The following GLRA2 variants were observed in gnomAD, a reference collection of about 807,000 sequenced individuals.
The protein encoded by GLRA2 is glycine receptor subunit alpha-2.
GLRA2 carries 11 observed loss-of-function variants against 31.6 expected under a neutral mutation model. That is an observed-to-expected ratio of 0.35 (90% CI 0.22 to 0.58). The LOEUF (loss-of-function observed/expected upper bound fraction) is 0.58, where lower values mean the gene tolerates loss of function less well. GLRA2 is among the 20% of genes least tolerant of loss of function. GLRA2 has a pLI of 0.84. For synonymous variants in GLRA2, 132 were observed against 134.0 expected (o/e 0.99, Z 0.10); for missense variants, 212 against 351.8 (o/e 0.60, Z 3.18).
Position 14,685,321 on chromosome X carries a change from C to T in GLRA2, c.931-5389C>T, listed in dbSNP as rs1257110405. Among the ~76,000 whole-genome samples, 7 of 111,670 alleles carry T rather than the reference C, an allele frequency of 6.3e-5. No individual in the cohort carries two copies. The Admixed American group carries it at 6.7e-4, about 11-fold the overall frequency. On this transcript the variant is annotated intron_variant, in intron 7 of 8. Transcript: ENST00000218075. ...GCCAGGCTTTGGTATCAGGACGATG[C>T]TGGCCTCATAAAATGACTTAGGGAG... is the stretch of plus-strand genomic sequence containing the variant.
intron 8 of GLRA2, among the ~76,000 whole-genome samples, chrX:14,691,329 G>A (rs1014614269): frequency 2.5e-4 from 17 of 67,670 alleles, no homozygotes; most frequent in African/African-American, 3.5e-4. Context: ...GTGTGTGCGC[G>A]CGTGCGTGCG....
At chrX:14,524,727 T>C (rs1366916045), upstream of GLRA2, among the ~76,000 whole-genome samples, 2 of 108,619 alleles carry the variant, frequency 1.8e-5, no homozygotes, top group South Asian at 8.0e-4. Flanking sequence ...AATGTGGGCA[T>C]TCCATTCAAC....
At chrX:14,679,669 T>G (rs772529210) in intron 7 of GLRA2, among the ~76,000 whole-genome samples, 1 of 111,162 alleles carries the variant, frequency 9.0e-6, no homozygotes, top group African/African-American at 3.3e-5. Context: ...TCTTTACAGC[T>G]TTGATTTTAC....
At chrX:14,495,730 C>A in the GLRA2 span, among the ~76,000 whole-genome samples, 1 of 108,811 alleles carries the variant, frequency 9.2e-6, no homozygotes, top group African/African-American at 3.3e-5. Context: ...TCCCAACAAC[C>A]TTTGAGTGTA....
the GLRA2 span, among the ~76,000 whole-genome samples, chrX:14,468,497 A>T: frequency 6.2e-5 from 7 of 112,133 alleles, no homozygotes; most frequent in Middle Eastern, 4.7e-3. Context: ...ACGCTTGTTT[A>T]CAAGGACTAC....
intron 2 of GLRA2, among the ~76,000 whole-genome samples, chrX:14,544,121 C>T (rs920892132): frequency 1.8e-5 from 2 of 111,852 alleles, no homozygotes; most frequent in African/African-American, 6.5e-5. Context: ...TATGATGCCA[C>T]AAGAGAATTA....
the GLRA2 span, among the ~76,000 whole-genome samples, chrX:14,452,377 A>C: frequency 6.2e-5 from 7 of 112,443 alleles, no homozygotes; most frequent in East Asian, 2.0e-3. Flanking sequence ...GATTCTCTTT[A>C]TGCTGCCTGT....
At chrX:14,638,207 G>T (rs1470616812) in intron 7 of GLRA2, among the ~76,000 whole-genome samples, 9 of 111,567 alleles carry the variant, frequency 8.1e-5, no homozygotes, top group Middle Eastern at 4.6e-3. Context: ...AGGAAGGTTT[G>T]CCAAGGATTT....
At position 14,543,958 on chromosome X, in the gene GLRA2, C is replaced by T. The variant is rs540597775; in HGVS notation, c.202+11586C>T. On this transcript the variant is annotated intron_variant, in intron 2 of 8. Coordinates refer to ENST00000218075, the MANE Select transcript of GLRA2 (RefSeq NM_002063.4). ...ATGTAGTTTTGGTAAAATCCAGAAACCTAAACAAATTTTGCCATGAAAATA... is the reference window on the plus strand; with the variant it reads ...ATGTAGTTTTGGTAAAATCCAGAAATCTAAACAAATTTTGCCATGAAAATA... 1.8e-4 allele frequency among the ~76,000 whole-genome samples: 20 copies of T among 110,864 alleles called. No homozygotes were observed. The South Asian group carries it at 5.6e-3, about 31-fold the overall frequency.
chrX:14,504,474 C>G, the GLRA2 span, among the ~76,000 whole-genome samples: 1 of 111,083 alleles, frequency 9.0e-6, no homozygotes, highest in Non-Finnish European at 1.9e-5. Context: ...TAGTTCAGAT[C>G]AAAATCTACA....
chrX:14,696,533 A>G (rs771539121), intron 8 of GLRA2, among the ~76,000 whole-genome samples: 38 of 112,050 alleles, frequency 3.4e-4, no homozygotes, highest in Admixed American at 1.1e-3. Context: ...AGATCCCCCA[A>G]TAAAGATGAC....
chrX:14,710,319 G>T (rs894541386), intron 8 of GLRA2, among the ~76,000 whole-genome samples: 4 of 111,954 alleles, frequency 3.6e-5, no homozygotes, highest in Non-Finnish European at 7.5e-5. Flanking sequence ...GGGAAGAGGG[G>T]AAAGAAAGCA....
At chrX:14,519,309 G>A in the GLRA2 span, among the ~76,000 whole-genome samples, 2 of 111,593 alleles carry the variant, frequency 1.8e-5, no homozygotes, top group Non-Finnish European at 3.8e-5. Context: ...GGGAACAGAT[G>A]TAAATATTCA....
chrX:14,704,804 T>G (rs1262568567), intron 8 of GLRA2, among the ~76,000 whole-genome samples: 1 of 112,150 alleles, frequency 8.9e-6, no homozygotes, highest in Non-Finnish European at 1.9e-5. Context: ...AGTGTTTTGT[T>G]TTAGATAAGG....
At chrX:14,493,782 G>GACAC in the GLRA2 span, among the ~76,000 whole-genome samples, 452 of 94,659 alleles carry the variant, frequency 4.8e-3, 5 homozygotes, top group African/African-American at 0.017. Flanking sequence ...TATATATATA[G>GACAC]ACACACACAC....
At chrX:14,617,585 C>T (rs1418350652) in intron 7 of GLRA2, among the ~76,000 whole-genome samples, 1 of 111,460 alleles carries the variant, frequency 9.0e-6, no homozygotes, top group Non-Finnish European at 1.9e-5. Flanking sequence ...GAAGCTAGCT[C>T]TCTCCTGCTA....
intron 2 of GLRA2, among the ~76,000 whole-genome samples, chrX:14,532,886 CATTGTTTATTTGAA>C (rs1430894816): frequency 2.7e-5 from 3 of 111,170 alleles, no homozygotes; most frequent in Non-Finnish European, 5.7e-5. Flanking sequence ...TAAGCATTCT[CATTGTTTATTTGAA>C]ATTGTTTATT....
chrX:14,578,915 C>T (rs955346399), intron 3 of GLRA2, among the ~76,000 whole-genome samples: 3 of 112,029 alleles, frequency 2.7e-5, no homozygotes, highest in African/African-American at 9.7e-5. Flanking sequence ...TGCTGGAACA[C>T]TATCCATGCT....
At chrX:14,612,116 T>C in intron 7 of GLRA2, among the ~76,000 whole-genome samples, 1 of 111,433 alleles carries the variant, frequency 9.0e-6, no homozygotes, top group East Asian at 2.8e-4. Flanking sequence ...TAAGAATATA[T>C]GAACAAATTT....
Sources: gnomAD v4.1 joint callset for allele counts (sites outside exome capture counted in the v4.1 genomes callset) on GRCh38, gnomAD v4.1.1 for gene constraint, MANE v1.5 for transcripts, NCBI Gene and HGNC (gene_info 2026-07-23, HGNC 2026-07-21) for gene names.